MAN1C1: variants seen among roughly 807,000 people sequenced by gnomAD.
The protein encoded by MAN1C1 is mannosyl-oligosaccharide 1,2-alpha-mannosidase IC.
In MAN1C1, 49 loss-of-function variants were observed where a neutral mutation model predicts 71.5. The observed-to-expected ratio is 0.69, with a 90% CI of 0.54 to 0.87. The LOEUF is 0.87. Among genes scored for constraint, MAN1C1 ranks in the 40% least tolerant of loss-of-function variants. The pLI, the probability that MAN1C1 is intolerant of heterozygous loss-of-function variation, is 0.00. For missense variants in MAN1C1, 743 were observed against 835.0 expected, an observed-to-expected ratio of 0.89 and a Z score of 1.36; for synonymous variants, 352 against 343.7, an observed-to-expected ratio of 1.02 and a Z score of -0.27.
intron 7 of MAN1C1, among the ~76,000 whole-genome samples, chr1:25,765,756 G>A (rs1040415958): frequency 1.3e-5 from 2 of 152,150 alleles, no homozygotes; most frequent in Admixed American, 6.5e-5. Context: ...ACACTGTGGC[G>A]AAGCAGCTGA....
rs201050058 is a variant in MAN1C1, at chr1:25,782,586, C to A, written c.1652C>A (p.Ala551Asp). The change falls in exon 11 of 12, where the codon GCC becomes GAC. Residue 551 changes from alanine to aspartate, a missense_variant and splice_region_variant. Physicochemically the swap from Ala to Asp is moderately radical, Grantham distance 126. Coordinates refer to ENST00000374332, the MANE Select transcript of MAN1C1 (RefSeq NM_020379.4). The surrounding 1 kb of genome is among the most constrained non-coding windows in gnomAD (Gnocchi z 4.4). ...YREWGWEVVL[A>D]LEKYCRTEAG... ...CCTCCTCCTCTTCCCCTTCCTCAGG[C>A]CTTGGAGAAATACTGTCGGACAGAA... is the stretch of plus-strand genomic sequence containing the variant. 13 of 1,611,488 alleles carry A rather than the reference C, an allele frequency of 8.1e-6. No homozygotes were observed. The highest frequency in any genetic ancestry group is 1.3e-5 in the African/African-American group (1 of 74,986).
chr1:25,678,067 T>C (rs1347120791), intron 1 of MAN1C1, among the ~76,000 whole-genome samples: 1 of 152,126 alleles, frequency 6.6e-6, no homozygotes, highest in Non-Finnish European at 1.5e-5. Context: ...AAGAAAAAGA[T>C]AGAAATCACT....
chr1:25,706,950 T>C (rs779472122), intron 2 of MAN1C1, among the ~76,000 whole-genome samples: 2 of 152,228 alleles, frequency 1.3e-5, no homozygotes, highest in Non-Finnish European at 2.9e-5. Flanking sequence ...CAGCAGGGGC[T>C]GTAGGATTCC....
rs1341110552 is a variant in MAN1C1 at position 25,769,128 on chromosome 1, T to C, written c.1142-2529T>C. Among the ~76,000 whole-genome samples the C allele has an allele frequency of 8.2e-6, 1 of 121,696 alleles. No homozygotes were observed. The highest frequency in any genetic ancestry group is 1.7e-5 in the Non-Finnish European group (1 of 57,820). The allele number at this position is 121,696 out of a possible 152,430, so 79.8% of individuals were successfully genotyped here. ...TCCCACACACACACCACACACTCCC[T>C]TCACACACTACACACTCCCCTCACA... On this transcript the variant is annotated intron_variant, in intron 7 of 11. Transcript: ENST00000374332. The surrounding 1 kb of genome is among the most constrained non-coding windows in gnomAD (Gnocchi z 4.8).
intron 1 of MAN1C1, among the ~76,000 whole-genome samples, chr1:25,656,350 G>T (rs2045767445): frequency 6.6e-6 from 1 of 151,894 alleles, no homozygotes; most frequent in Non-Finnish European, 1.5e-5. Flanking sequence ...TGCCCACCTT[G>T]GCCTCCCAAA....
chr1:25,762,005 A>G (rs1038156873), intron 6 of MAN1C1, among the ~76,000 whole-genome samples: 3 of 151,790 alleles, frequency 2.0e-5, no homozygotes, highest in African/African-American at 7.3e-5. Flanking sequence ...GGACTGGCCT[A>G]TTTCACTTAA....
At chr1:25,693,437 C>G (rs942516636) in intron 2 of MAN1C1, among the ~76,000 whole-genome samples, 5 of 152,120 alleles carry the variant, frequency 3.3e-5, no homozygotes, top group Non-Finnish European at 7.3e-5. Context: ...CGAAACCAGC[C>G]TGGCCAACAT....
intron 1 of MAN1C1, among the ~76,000 whole-genome samples, chr1:25,658,132 T>TA (rs1185995978): frequency 2.6e-5 from 4 of 152,216 alleles, no homozygotes; most frequent in African/African-American, 9.6e-5. Context: ...GCCTAGTAGA[T>TA]ATTAGAAATT....
At chr1:25,622,575 G>T (rs1165438892) in intron 1 of MAN1C1, among the ~76,000 whole-genome samples, 1 of 152,240 alleles carries the variant, frequency 6.6e-6, no homozygotes, top group Non-Finnish European at 1.5e-5. Flanking sequence ...TAGCGGCTCA[G>T]TGACCCAAGA....
intron 5 of MAN1C1, among the ~76,000 whole-genome samples, chr1:25,757,969 T>C (rs568337887): frequency 6.6e-6 from 1 of 152,244 alleles, no homozygotes; most frequent in Non-Finnish European, 1.5e-5. Flanking sequence ...GCATTCTTTG[T>C]CTTTGAAAGC....
At chr1:25,750,789 G>A (rs192240819) in intron 4 of MAN1C1, among the ~76,000 whole-genome samples, 2 of 152,328 alleles carry the variant, frequency 1.3e-5, no homozygotes, top group Admixed American at 1.3e-4. Context: ...AGAAGGAGCA[G>A]AAAAAGCATC....
At position 25,634,067 on chromosome 1, in the gene MAN1C1, A is replaced by C. The variant is rs988573915; in HGVS notation, c.540+15730A>C. 6.6e-6 allele frequency among the ~76,000 whole-genome samples: 1 copy of C among 152,160 alleles called. No individual in the cohort carries two copies. Among genetic ancestry groups the C allele is most frequent in the African/African-American group, 2.4e-5 (1 of 41,434 alleles). ...AGAAATATAATAGGGTTTTTTCTGT[A>C]TATTGATTTTGTATCATATGACCTT... On this transcript the variant is annotated intron_variant, in intron 1 of 11. Transcript: ENST00000374332. This position sits in a 1 kb window ranked among gnomAD's most constrained non-coding sequence, Gnocchi z 4.6.
At chr1:25,748,009 C>T (rs905555553) in intron 3 of MAN1C1, among the ~76,000 whole-genome samples, 6 of 152,058 alleles carry the variant, frequency 3.9e-5, no homozygotes, top group Non-Finnish European at 7.4e-5. Flanking sequence ...AGCTGAGAAT[C>T]CCCCCATTAC....
rs1451989447 is a variant in MAN1C1 at position 25,616,808 on chromosome 1, C to G, written c.-990C>G. 6.8e-6 allele frequency among the ~76,000 whole-genome samples: 1 copy of G among 147,370 alleles called. No individual in the cohort carries two copies. Among genetic ancestry groups the G allele is most frequent in the African/African-American group, 2.4e-5 (1 of 40,864 alleles). ...GCTGTCGCAGTGAAAGCCCGAGCGG[C>G]GGCGGCGGCGGGGACGGCGGTGGAG... On this transcript the variant is annotated 5_prime_UTR_variant, in exon 1 of 12. Transcript: ENST00000374332. This position sits in a 1 kb window ranked among gnomAD's most constrained non-coding sequence, Gnocchi z 5.6.
At chr1:25,702,305 G>A (rs1217630560) in intron 2 of MAN1C1, among the ~76,000 whole-genome samples, 3 of 152,124 alleles carry the variant, frequency 2.0e-5, no homozygotes, top group South Asian at 4.1e-4. Context: ...GGCTTCATCC[G>A]AAGGGCCTTG....
At chr1:25,774,427 A>G (rs941704431) in intron 8 of MAN1C1, among the ~76,000 whole-genome samples, 1 of 152,212 alleles carries the variant, frequency 6.6e-6, no homozygotes, top group African/African-American at 2.4e-5. Flanking sequence ...TGTCAGAGCC[A>G]GGACACAAAC....
chr1:25,742,606 A>G (rs1292083147), intron 2 of MAN1C1, among the ~76,000 whole-genome samples: 3 of 152,178 alleles, frequency 2.0e-5, no homozygotes, highest in Admixed American at 1.3e-4. Context: ...TGTACTCACT[A>G]TCATGCCAGC....
Position 25,617,993 on chromosome 1 carries a change from G to A in MAN1C1, c.196G>A (p.Val66Met). Residue 66 changes from valine (V) to methionine (M), a missense_variant, in exon 1 of 12, where the codon GTG becomes ATG. Coordinates refer to ENST00000374332, the MANE Select transcript of MAN1C1 (RefSeq NM_020379.4). The surrounding 1 kb of genome is among the most constrained non-coding windows in gnomAD (Gnocchi z 5.1). The stretch of plus-strand genomic sequence containing the variant: ...GACCCAGCAGCCTGGTCTGGAAGTG[G>A]TGGCTGAAATCGCCGGCCATGCCCC... ...PRTQQPGLEV[V>M]AEIAGHAPAR... 6.2e-7 allele frequency: 1 copy of A among 1,605,708 alleles called. No homozygotes were observed. The highest frequency in any genetic ancestry group is 8.5e-7 in the Non-Finnish European group (1 of 1,177,178).
At chr1:25,656,095 CTTTTTTTTTTTTT>C (rs59710145) in intron 1 of MAN1C1, among the ~76,000 whole-genome samples, 2 of 74,988 alleles carry the variant, frequency 2.7e-5, no homozygotes, top group African/African-American at 1.6e-4. Context: ...GATTATCAGT[CTTTTTTTTTTTTT>C]TTTTTTTTTG....
Sources: gnomAD v4.1 joint callset for allele counts (sites outside exome capture counted in the v4.1 genomes callset) on GRCh38, gnomAD v4.1.1 for gene constraint, Gnocchi (gnomAD v3.1) non-coding constraint, MANE v1.5 for transcripts, NCBI Gene and HGNC (gene_info 2026-07-23, HGNC 2026-07-21) for gene names.